Variants in ALOXE3 observed in about 807,000 individuals in gnomAD.
The protein encoded by ALOXE3 is hydroperoxide isomerase ALOXE3.
A neutral mutation model predicts 87.5 loss-of-function variants in ALOXE3; 78 were observed. The ratio of observed to expected loss-of-function variants is 0.89; its 90% CI spans 0.74 to 1.08. The LOEUF is 1.08. Ranked by LOEUF, ALOXE3 falls within the 50% of genes least tolerant of loss-of-function variation. ALOXE3 has a pLI of 0.00. For synonymous variants in ALOXE3, 363 were observed against 370.8 expected, an observed-to-expected ratio of 0.98 and a Z score of 0.24; for missense variants, 946 against 912.4, an observed-to-expected ratio of 1.04 and a Z score of -0.47.
At chr17:8,107,472 G>A (rs896786645) in intron 13 of ALOXE3, among the ~76,000 whole-genome samples, 7 of 152,174 alleles carry the variant, frequency 4.6e-5, no homozygotes, top group Admixed American at 3.3e-4. Flanking sequence ...AGCCGAGATT[G>A]TGCCTCCACA....
chr17:8,106,805 A>G (rs142214844), intron 13 of ALOXE3, among the ~76,000 whole-genome samples: 15 of 152,344 alleles, frequency 9.8e-5, no homozygotes, highest in African/African-American at 3.6e-4. Flanking sequence ...ATGTGACTCT[A>G]TAATAGGTTT....
chr17:8,096,921 T>G lies in ALOXE3; in HGVS notation c.1957-115A>C, dbSNP rs1978580960. 55 of 1,234,306 alleles carry G rather than the reference T, an allele frequency of 4.5e-5. No individual in the cohort carries two copies. The South Asian group carries it at 6.4e-4, about 14-fold the overall frequency. The allele number at this position is 1,234,306 out of a possible 1,614,324, so 76.5% of individuals were successfully genotyped here. ...GTGGCTTCTAGTAGCACAACCCAGT[T>G]GCAGCCATTGTAAACACTTGCCCCA... On this transcript the variant is annotated intron_variant, in intron 15 of 15. Transcript: ENST00000448843.
rs931265469 is a variant in ALOXE3 at position 8,118,297 on chromosome 17, G to A, written c.-307C>T. 1 of 1,551,662 alleles carries A rather than the reference G, an allele frequency of 6.4e-7. No individual in the cohort carries two copies. Among genetic ancestry groups the A allele is most frequent in the African/African-American group, 1.4e-5 (1 of 72,998 alleles). ...CACCCAGATGGATATCAGGAGCCTGGGTTCCACTGCGGAGGGAGGGATCAG... is the reference window on the plus strand; with the variant it reads ...CACCCAGATGGATATCAGGAGCCTGAGTTCCACTGCGGAGGGAGGGATCAG... On this transcript the variant is annotated 5_prime_UTR_variant, in exon 2 of 16. Transcript: ENST00000448843.
rs1978569686 is a variant in ALOXE3 at position 8,096,783 on chromosome 17, A to T, written c.1980T>A (p.Asp660Glu). 1 of 1,614,074 alleles carries T rather than the reference A, an allele frequency of 6.2e-7. No individual in the cohort carries two copies. Among genetic ancestry groups the T allele is most frequent in the South Asian group, 1.1e-5 (1 of 91,092 alleles). ...KDQRPLGTYP[D>E]EHFTEEAPRR... ...TCGGGGCCTCCTCTGTGAAGTGCTC[A>T]TCTGGGTAGGTGCCCAGGGGCCTCT... The change falls in exon 16 of 16, where the codon GAT becomes GAA. Residue 660 changes from aspartate (D) to glutamate (E), a missense_variant. Coordinates refer to ENST00000448843, the MANE Select transcript of ALOXE3 (RefSeq NM_021628.3).
chr17:8,110,496 G>A lies in ALOXE3; in HGVS notation c.990C>T (p.Ile330=), dbSNP rs1446052133. ...GGCAGTGGGTGGGGGCCTCCGCCAG[G>A]ATCCAGTAGTCCGCTAGGAAGATGT... ...RGNIFLADYW[I]LAEAPTHCLN... Residue 330 remains isoleucine (I), a synonymous_variant, in exon 9 of 16, where the codon ATC becomes ATT. Coordinates refer to ENST00000448843, the MANE Select transcript of ALOXE3 (RefSeq NM_021628.3). 3 of 1,613,960 alleles carry A rather than the reference G, an allele frequency of 1.9e-6. No individual in the cohort carries two copies. Among genetic ancestry groups the A allele is most frequent in the East Asian group, 2.2e-5 (1 of 44,876 alleles).
Position 8,096,639 on chromosome 17 carries a change from G to T in ALOXE3, c.2124C>A (p.Ser708Arg). 7.2e-7 allele frequency: 1 copy of T among 1,387,770 alleles called. No homozygotes were observed. Among genetic ancestry groups the T allele is most frequent in the Non-Finnish European group, 1.0e-6 (1 of 973,892 alleles). The allele number at this position is 1,387,770 out of a possible 1,614,324, so 86.0% of individuals were successfully genotyped here. A position where few individuals can be genotyped will look rare whatever the true frequency, so the allele number is the denominator to read the frequency against. ...TATTTGGGGGTGGTTAGATGGAGAC[G>T]CTGTTCTCAATGAGGGGAGGGTCCA... is the stretch of plus-strand genomic sequence containing the variant. ...TYLDPPLIEN[S>R]VSI Residue 708 changes from serine (S) to arginine (R), a missense_variant, in exon 16 of 16, where the codon AGC becomes AGA. By Grantham distance (110) the Ser-to-Arg change is moderately radical. Transcript: ENST00000448843.
chr17:8,114,487 G>A lies in ALOXE3; in HGVS notation c.677C>T (p.Pro226Leu). ...ATTAGAGGGACAATGGCCTTACGCA[G>A]GGATGGCATTGAAGAGCAGCGAGAT... ...KTISLLFNAI[P>L]ASLGMKLRGL... Residue 226 changes from proline (P) to leucine (L), a missense_variant, in exon 6 of 16, where the codon CCT becomes CTT. Coordinates refer to ENST00000448843, the MANE Select transcript of ALOXE3 (RefSeq NM_021628.3). 1 of 1,614,042 alleles carries A rather than the reference G, an allele frequency of 6.2e-7. No homozygotes were observed. The highest frequency in any genetic ancestry group is 2.2e-5 in the East Asian group (1 of 44,882).
chr17:8,109,814 T>G, intron 11 of ALOXE3, 102 bp downstream of exon 11: 1 of 1,209,222 alleles, frequency 8.3e-7, no homozygotes, highest in Non-Finnish European at 1.2e-6. Flanking sequence ...ACACCCCAGG[T>G]GTCCTCACAA....
chr17:8,101,688 G>A (rs927066206), intron 15 of ALOXE3, among the ~76,000 whole-genome samples: 1 of 151,954 alleles, frequency 6.6e-6, no homozygotes, highest in African/African-American at 2.4e-5. Flanking sequence ...CCAGGCTGGC[G>A]TGCAGTGGCG....
In ALOXE3 at chr17:8,118,377, G is replaced by A. The variant is rs1218193939; in HGVS notation, c.-313-74C>T. The A allele has an allele frequency of 1.0e-5, 16 of 1,551,254 alleles. No individual in the cohort carries two copies. The East Asian group carries it at 3.7e-4, about 36-fold the overall frequency. On this transcript the variant is annotated intron_variant, in intron 1 of 15. Transcript: ENST00000448843. ...CTGTATAATTGGGACACTGCCCTCCGCCTGGTCAGCGGCCCGGACTGATGC... is the reference window on the plus strand; with the variant it reads ...CTGTATAATTGGGACACTGCCCTCCACCTGGTCAGCGGCCCGGACTGATGC...
chr17:8,105,742 A>C (rs1979252548), intron 13 of ALOXE3, among the ~76,000 whole-genome samples: 1 of 151,884 alleles, frequency 6.6e-6, no homozygotes, highest in Non-Finnish European at 1.5e-5. Context: ...GTCTCTAAAA[A>C]ACATTTTTTA....
At chr17:8,118,411 G>T in intron 1 of ALOXE3, 75 bp downstream of exon 1, 1 of 1,551,020 alleles carries the variant, frequency 6.4e-7, no homozygotes, top group South Asian at 1.2e-5. Flanking sequence ...GCCCTGGAGT[G>T]CTTGTCCGCC....
Position 8,112,188 on chromosome 17 carries a change from C to G in ALOXE3, c.689G>C (p.Gly230Ala). The change falls in exon 7 of 16, where the codon GGA (glycine) becomes GCA (alanine). Residue 230 changes from glycine to alanine, a missense_variant. Transcript: ENST00000448843. ...ATCCAACAGCCCTCGAAGCTTCATT[C>G]CCAAGGACCTGATGGGAGAGGAAAA... ...LLFNAIPASL[G>A]MKLRGLLDRK... is the part of the protein sequence containing the mutation. 1.2e-6 allele frequency: 2 copies of G among 1,613,944 alleles called. No individual in the cohort carries two copies. The highest frequency in any genetic ancestry group is 2.2e-5 in the South Asian group (2 of 91,078).
chr17:8,098,241 T>G (rs559230394), intron 15 of ALOXE3, among the ~76,000 whole-genome samples: 3,486 of 131,510 alleles, frequency 0.027, 161 homozygotes, highest in African/African-American at 0.1. Flanking sequence ...TTTGTTTTTT[T>G]TTTTTTTTTT....
intron 15 of ALOXE3, among the ~76,000 whole-genome samples, 154 bp from the exon 16 acceptor site, chr17:8,096,960 T>C (rs1304145147): frequency 6.6e-6 from 1 of 152,128 alleles, no homozygotes; most frequent in Non-Finnish European, 1.5e-5. Flanking sequence ...TGCCACCCCA[T>C]GATCCTGACA....
At chr17:8,106,718 C>T (rs1400329725) in intron 13 of ALOXE3, among the ~76,000 whole-genome samples, 3 of 151,670 alleles carry the variant, frequency 2.0e-5, no homozygotes, top group East Asian at 3.9e-4. Flanking sequence ...CCCAGCTACT[C>T]GGGAGGCTGA....
chr17:8,098,685 C>T (rs4792214), intron 15 of ALOXE3, among the ~76,000 whole-genome samples: 121,484 of 152,140 alleles, frequency 0.8, 48,619 homozygotes, highest in East Asian at 0.87. Flanking sequence ...ACGTAATGAA[C>T]TATATTGCTA....
chr17:8,112,677 C>T (rs532230893), intron 6 of ALOXE3, among the ~76,000 whole-genome samples: 1 of 152,308 alleles, frequency 6.6e-6, no homozygotes, highest in Non-Finnish European at 1.5e-5. Flanking sequence ...TGATCAGAGA[C>T]ATGCTTTGTA....
rs1979109422 is a variant in ALOXE3, at chr17:8,104,124, G to C, written c.1776C>G (p.Asn592Lys). The C allele has an allele frequency of 6.2e-7, 1 of 1,613,628 alleles. No individual in the cohort carries two copies. The highest frequency in any genetic ancestry group is 1.3e-5 in the African/African-American group (1 of 75,030). ...FNCSAQHAAVNSGQHDFGAWM... is the reference protein window; with the variant it reads ...FNCSAQHAAVKSGQHDFGAWM... ...CCCTTTGTAGCCTCACCTGCCCACT[G>C]TTGACAGCAGCGTGCTGGGCAGAGC... The change falls in exon 14 of 16, where the codon AAC (asparagine) becomes AAG (lysine). Residue 592 changes from asparagine to lysine, a missense_variant. Physicochemically the swap from Asn to Lys is moderately conservative, Grantham distance 94. Transcript: ENST00000448843.
Sources: allele counts gnomAD v4.1 joint callset (sites outside exome capture counted in the v4.1 genomes callset), GRCh38; gene constraint gnomAD v4.1.1; transcripts MANE v1.5; gene names NCBI Gene and HGNC (gene_info 2026-07-23, HGNC 2026-07-21).